CCDC171: variants seen among roughly 807,000 people sequenced by gnomAD.
CCDC171 encodes coiled-coil domain containing 171, also known as coiled-coil domain-containing protein 171.
In CCDC171, 177 loss-of-function variants were observed where a neutral mutation model predicts 168.2. The ratio of observed to expected loss-of-function variants is 1.05; its 90% CI spans 0.93 to 1.19. CCDC171 has a LOEUF of 1.19. Ranked by LOEUF, CCDC171 falls within the 50% of genes most tolerant of loss-of-function variation. CCDC171 has a pLI of 0.00. For missense variants in CCDC171, 1,991 were observed against 1,539.0 expected (o/e 1.29, Z -4.91); for synonymous variants, 687 against 540.8 (o/e 1.27, Z -3.75).
intron 25 of CCDC171, among the ~76,000 whole-genome samples, chr9:15,938,054 G>T (rs773239504): frequency 6.6e-6 from 1 of 151,846 alleles, no homozygotes. Flanking sequence ...ACACCTGATT[G>T]CCAGATACTG....
chr9:15,584,752 T>A (rs535209996), intron 4 of CCDC171, among the ~76,000 whole-genome samples: 4 of 152,262 alleles, frequency 2.6e-5, no homozygotes, highest in African/African-American at 9.6e-5. Context: ...GCCACCATAA[T>A]TGGGGGTATT....
At position 15,777,601 on chromosome 9, in the gene CCDC171, T is replaced by G; in HGVS notation, c.2673T>G (p.Asp891Glu). 6.3e-7 allele frequency: 1 copy of G among 1,599,108 alleles called. No individual in the cohort carries two copies. The highest frequency in any genetic ancestry group is 8.5e-7 in the Non-Finnish European group (1 of 1,174,086). Residue 891 changes from aspartate to glutamate, a missense_variant and splice_region_variant, in exon 19 of 26, where the codon GAT (aspartate) becomes GAG (glutamate). Physicochemically the swap from Asp to Glu is conservative, Grantham distance 45. Coordinates refer to ENST00000380701, the MANE Select transcript of CCDC171 (RefSeq NM_173550.4). ...AELQDVIGKA[D>E]PNSRICGHLL... is the part of the protein sequence containing the mutation. ...GCCTTTTTTTCTTTTTCTTTGAAGATCCAAATTCCAGAATTTGTGGACATT... is the reference window on the plus strand; with the variant it reads ...GCCTTTTTTTCTTTTTCTTTGAAGAGCCAAATTCCAGAATTTGTGGACATT...
At chr9:15,684,373 A>T (rs1360319667) in intron 10 of CCDC171, among the ~76,000 whole-genome samples, 1 of 151,946 alleles carries the variant, frequency 6.6e-6, no homozygotes, top group Non-Finnish European at 1.5e-5. Context: ...GCTTTTTTTA[A>T]ACCTGTTTGT....
chr9:16,026,092 A>G (rs1833270026), intron 6 of CCDC171, among the ~76,000 whole-genome samples: 1 of 152,166 alleles, frequency 6.6e-6, no homozygotes, highest in Non-Finnish European at 1.5e-5. Context: ...CAGAGATACC[A>G]TGTCACGCTC....
chr9:15,740,785 C>T (rs1011264044), intron 16 of CCDC171, among the ~76,000 whole-genome samples: 1 of 152,066 alleles, frequency 6.6e-6, no homozygotes, highest in Non-Finnish European at 1.5e-5. Context: ...TGGGGCTGTT[C>T]CCCTCTCATT....
intron 6 of CCDC171, chr9:16,022,990 C>G (rs1833204342): frequency 6.6e-6 from 1 of 152,206 alleles, no homozygotes; most frequent in African/African-American, 2.4e-5. Context: ...AGTTCACATC[C>G]TGATTCAGTG....
intron 21 of CCDC171, among the ~76,000 whole-genome samples, chr9:15,816,500 C>T (rs1308279039): frequency 2.5e-5 from 3 of 118,076 alleles, no homozygotes; most frequent in Admixed American, 8.0e-5. Flanking sequence ...CTTATATTTT[C>T]GAAGAATAAT....
rs955876227 is a variant in CCDC171, at chr9:16,030,548, C to T, written n.999-4909C>T. On this transcript the variant is annotated intron_variant and non_coding_transcript_variant, in intron 6 of 9. Coordinates refer to the CCDC171 transcript ENST00000486641. ...AGTGGGTTTAGATTGAGAATATGAA[C>T]ATTTGATATGCAAAAGTAGCAGTGT... Among the ~76,000 whole-genome samples, 3 of 152,228 alleles carry T rather than the reference C, an allele frequency of 2.0e-5. No individual in the cohort carries two copies. In the South Asian group the frequency reaches 6.2e-4, roughly 32 times the overall value.
At chr9:15,910,644 C>T (rs1319773669) in intron 24 of CCDC171, among the ~76,000 whole-genome samples, 1 of 151,952 alleles carries the variant, frequency 6.6e-6, no homozygotes, top group East Asian at 1.9e-4. Flanking sequence ...TTTGCTACAC[C>T]CATCAACTCA....
At chr9:16,081,996 G>A in the CCDC171 span, among the ~76,000 whole-genome samples, 2,858 of 152,022 alleles carry the variant, frequency 0.019, 40 homozygotes, top group Middle Eastern at 0.024. Flanking sequence ...TTTACAAACT[G>A]AACATGTCTT....
chr9:15,748,404 A>T (rs943516202), intron 18 of CCDC171, among the ~76,000 whole-genome samples: 7 of 152,210 alleles, frequency 4.6e-5, no homozygotes, highest in Non-Finnish European at 1.0e-4. Context: ...GCTTTTCAGG[A>T]TATTATCGAG....
At chr9:15,947,612 G>A (rs963258649) in intron 25 of CCDC171, among the ~76,000 whole-genome samples, 8 of 151,928 alleles carry the variant, frequency 5.3e-5, no homozygotes, top group Non-Finnish European at 1.2e-4. Context: ...GTCATCCATT[G>A]ATGGACATGG....
At chr9:16,098,425 G>GA in the CCDC171 span, among the ~76,000 whole-genome samples, 2 of 152,112 alleles carry the variant, frequency 1.3e-5, no homozygotes, top group Non-Finnish European at 2.9e-5. Context: ...CTGCTATTTA[G>GA]AAAAAAATGT....
chr9:15,880,037 T>C (rs997635709), intron 24 of CCDC171, among the ~76,000 whole-genome samples: 3 of 152,198 alleles, frequency 2.0e-5, no homozygotes, highest in African/African-American at 7.2e-5. Context: ...TGGTCTTCCC[T>C]GAATTTGCAG....
intron 11 of CCDC171, among the ~76,000 whole-genome samples, chr9:15,719,414 GA>G: frequency 3.5e-5 from 2 of 57,752 alleles, no homozygotes; most frequent in Non-Finnish European, 7.4e-5. Context: ...CGGGGCGGGG[GA>G]AAGAGAGAGA....
intron 9 of CCDC171, among the ~76,000 whole-genome samples, chr9:15,669,149 T>G (rs964390247): frequency 6.6e-6 from 1 of 152,194 alleles, no homozygotes; most frequent in East Asian, 1.9e-4. Flanking sequence ...TGCAGAGTTA[T>G]AGTTTTGGTC....
chr9:16,077,482 A>G, the CCDC171 span, among the ~76,000 whole-genome samples: 1 of 152,178 alleles, frequency 6.6e-6, no homozygotes, highest in African/African-American at 2.4e-5. Flanking sequence ...ACTTCGGCCA[A>G]TGGGAGGCTA....
intron 3 of CCDC171, among the ~76,000 whole-genome samples, chr9:15,993,868 A>C (rs1832286803): frequency 6.6e-6 from 1 of 152,246 alleles, no homozygotes; most frequent in Non-Finnish European, 1.5e-5. Flanking sequence ...AGAGAAATGC[A>C]AATCGAAACC....
intron 3 of CCDC171, among the ~76,000 whole-genome samples, chr9:16,018,217 A>C (rs1216704081): frequency 6.6e-6 from 1 of 152,118 alleles, no homozygotes; most frequent in Non-Finnish European, 1.5e-5. Flanking sequence ...ACCCTTTCTG[A>C]GCTAACTTGT....
Sources: allele counts gnomAD v4.1 joint callset (sites outside exome capture counted in the v4.1 genomes callset), GRCh38; gene constraint gnomAD v4.1.1; transcripts MANE v1.5; gene names NCBI Gene and HGNC (gene_info 2026-07-23, HGNC 2026-07-21).